The following ADAMTS5 variants were observed in gnomAD, a reference collection of about 807,000 sequenced individuals.
ADAMTS5 encodes the protein ADAM metallopeptidase with thrombospondin type 1 motif 5.
A neutral mutation model predicts 81.4 loss-of-function variants in ADAMTS5; 54 were observed. The observed-to-expected ratio is 0.66, with a 90% CI of 0.53 to 0.83. ADAMTS5 has a LOEUF of 0.83. Ranked by LOEUF, ADAMTS5 falls within the 40% of genes least tolerant of loss-of-function variation. The pLI is 0.00. For missense variants in ADAMTS5, 1,194 were observed against 1,229.9 expected, an observed-to-expected ratio of 0.97 and a Z score of 0.44; for synonymous variants, 532 against 508.8, an observed-to-expected ratio of 1.05 and a Z score of -0.61.
chr21:26,961,180 A>G (rs1987523284), intron 1 of ADAMTS5, among the ~76,000 whole-genome samples: 3 of 152,210 alleles, frequency 2.0e-5, no homozygotes, highest in African/African-American at 7.2e-5. Context: ...TGTTAGTCTA[A>G]GAAGTTTATC....
At chr21:26,954,362 T>C (rs1987378397) in intron 2 of ADAMTS5, among the ~76,000 whole-genome samples, 1 of 152,130 alleles carries the variant, frequency 6.6e-6, no homozygotes. Context: ...TGCAAACTGA[T>C]TAGCCCTGGA....
intron 1 of ADAMTS5, among the ~76,000 whole-genome samples, chr21:26,959,674 C>T (rs146945128): frequency 6.6e-6 from 1 of 152,240 alleles, no homozygotes; most frequent in East Asian, 1.9e-4. Context: ...ATGAAATACA[C>T]TGTGAAAGAT....
At position 26,919,321 on chromosome 21, in the gene ADAMTS5, A is replaced by C. The variant is rs1217901486; in HGVS notation, c.*4732T>G. On this transcript the variant is annotated 3_prime_UTR_variant, in exon 8 of 8. Transcript: ENST00000284987. The stretch of plus-strand genomic sequence containing the variant: ...GCAGTACCTTACAGGATGAGGGGCC[A>C]CTGCTCGTTTTTTCCATTTGACCTT... 2 of 151,432 alleles carry C rather than the reference A, an allele frequency of 1.3e-5. No homozygotes were observed. Among genetic ancestry groups the C allele is most frequent in the East Asian group, 3.9e-4 (2 of 5,152 alleles). The allele number at this position is 151,432 out of a possible 1,614,324, so 9.4% of individuals were successfully genotyped here.
rs117146654 is a variant in ADAMTS5, at chr21:26,960,434, T to C, written c.1104+4854A>G. 1.1e-4 allele frequency among the ~76,000 whole-genome samples: 17 copies of C among 152,344 alleles called. No homozygotes were observed. In the East Asian group the frequency reaches 3.3e-3, roughly 29 times the overall value. On this transcript the variant is annotated intron_variant, in intron 1 of 7. Coordinates refer to ENST00000284987, the MANE Select transcript of ADAMTS5 (RefSeq NM_007038.5). ...AACTCATCTATTTGGAGATAGGGCC[T>C]ACAAGGAGGTAAATGAGGTTAAATG... is the stretch of plus-strand genomic sequence containing the variant.
In ADAMTS5 at chr21:26,965,404, C is replaced by T; in HGVS notation, c.988G>A (p.Val330Met). The T allele has an allele frequency of 6.2e-7, 1 of 1,614,272 alleles. No homozygotes were observed. The highest frequency in any genetic ancestry group is 8.5e-7 in the Non-Finnish European group (1 of 1,180,042). ...VLGDKDKSLE[V>M]SKNAATTLKN... ...AGTGTGGTGGCAGCGTTCTTGCTCACTTCCAGGCTCTTGTCCTTGTCGCCT... is the reference window on the plus strand; with the variant it reads ...AGTGTGGTGGCAGCGTTCTTGCTCATTTCCAGGCTCTTGTCCTTGTCGCCT... Residue 330 changes from valine (V) to methionine (M), a missense_variant, in exon 1 of 8, where the codon GTG becomes ATG. This residue lies in a region of ADAMTS5 where 696 missense variants were observed against 817.6 expected (regional missense o/e 0.85). Transcript: ENST00000284987.
intron 2 of ADAMTS5, among the ~76,000 whole-genome samples, chr21:26,951,087 A>C (rs1987307906): frequency 6.6e-6 from 1 of 152,166 alleles, no homozygotes; most frequent in Non-Finnish European, 1.5e-5. Flanking sequence ...TAATGAACTA[A>C]AAAGAAAATT....
rs151058 is a variant in ADAMTS5, at chr21:26,939,253, T to G, written c.1405+4127A>C. ...GAAGCTGTTAGATGCATTAGGTATATTGTTGAGCAGATGTAATGGCAAGGA... is the reference window on the plus strand; with the variant it reads ...GAAGCTGTTAGATGCATTAGGTATAGTGTTGAGCAGATGTAATGGCAAGGA... On this transcript the variant is annotated intron_variant, in intron 3 of 7. Coordinates refer to ENST00000284987, the MANE Select transcript of ADAMTS5 (RefSeq NM_007038.5). 2.0e-5 allele frequency among the ~76,000 whole-genome samples: 3 copies of G among 152,264 alleles called. No homozygotes were observed. The East Asian group carries it at 5.8e-4, about 29-fold the overall frequency.
Position 26,924,036 on chromosome 21 carries a change from A to T in ADAMTS5, c.*17T>A. The T allele has an allele frequency of 6.4e-7, 1 of 1,571,532 alleles. No homozygotes were observed. On this transcript the variant is annotated 3_prime_UTR_variant, in exon 8 of 8. Transcript: ENST00000284987. ...GAATCCTCCAGTTATCTTTGTGCATAAGATCATAACCACAGGCTAACATTT... is the reference window on the plus strand; with the variant it reads ...GAATCCTCCAGTTATCTTTGTGCATTAGATCATAACCACAGGCTAACATTT...
chr21:26,934,320 T>G (rs1601003541), intron 4 of ADAMTS5, 146 bp downstream of exon 4: 2 of 1,069,358 alleles, frequency 1.9e-6, no homozygotes. Context: ...CTACTGCGGG[T>G]AAAAGAAGAA....
chr21:26,940,543 G>A (rs1987094413), intron 3 of ADAMTS5, among the ~76,000 whole-genome samples: 1 of 152,000 alleles, frequency 6.6e-6, no homozygotes, highest in South Asian at 2.1e-4. Flanking sequence ...CTTGTTCTCA[G>A]ATTACCTGTC....
chr21:26,966,341 C>G lies in ADAMTS5; in HGVS notation c.51G>C (p.Leu17=). 5 of 1,504,106 alleles carry G rather than the reference C, an allele frequency of 3.3e-6. No individual in the cohort carries two copies. Among genetic ancestry groups the G allele is most frequent in the Non-Finnish European group, 4.4e-6 (5 of 1,135,048 alleles). The allele number at this position is 1,504,106 out of a possible 1,614,324, so 93.2% of individuals were successfully genotyped here. ...SLLLCAFRLP[L]AAVGPAATPA... The stretch of plus-strand genomic sequence containing the variant: ...GTGTCGCGGCGGGGCCGACCGCGGC[C>G]AGGGGCAGGCGGAACGCGCACAGCA... The change falls in exon 1 of 8, where the codon CTG becomes CTC. Residue 17 remains leucine (L), a synonymous_variant. Transcript: ENST00000284987.
In ADAMTS5 at chr21:26,965,708, C is replaced by T. The variant is rs771034526; in HGVS notation, c.684G>A (p.Pro228=). The T allele has an allele frequency of 8.2e-6, 13 of 1,584,208 alleles. No homozygotes were observed. The highest frequency in any genetic ancestry group is 3.6e-5 in the Admixed American group (2 of 56,296). ...AHEHAPAHSN[P]SGRAALASQL... The stretch of plus-strand genomic sequence containing the variant: ...GCGAGGCCAGTGCTGCGCGTCCGCT[C>T]GGGTTGCTGTGCGCCGGAGCATGCT... Residue 228 remains proline, a synonymous_variant, in exon 1 of 8, where the codon CCG becomes CCA. Transcript: ENST00000284987.
Position 26,930,022 on chromosome 21 carries a change from C to G in ADAMTS5, c.2089G>C (p.Val697Leu), listed in dbSNP as rs377246186. Residue 697 changes from valine to leucine, a missense_variant, in exon 7 of 8, where the codon GTC becomes CTC. Val to Leu is a conservative substitution (Grantham distance 32, BLOSUM62 1). This residue lies in a region of ADAMTS5 where 696 missense variants were observed against 817.6 expected (regional missense o/e 0.85). Transcript: ENST00000284987. ...GTECRLYSNS[V>L]CVRGKCVRTG... is the part of the protein sequence containing the mutation. ...CTCACACACTTCCCCCGGACGCAGA[C>G]GGAATTACTGTACAGCCTACATTCA... The G allele has an allele frequency of 2.5e-5, 40 of 1,613,822 alleles. No individual in the cohort carries two copies. Among genetic ancestry groups the G allele is most frequent in the Non-Finnish European group, 3.2e-5 (38 of 1,179,898 alleles).
chr21:26,953,223 A>G (rs1033304686), intron 2 of ADAMTS5, among the ~76,000 whole-genome samples: 4 of 152,234 alleles, frequency 2.6e-5, no homozygotes, highest in Non-Finnish European at 4.4e-5. Flanking sequence ...CACTTGTCTG[A>G]GATAAAACAG....
At chr21:26,928,794 C>T (rs1436858008) in intron 7 of ADAMTS5, among the ~76,000 whole-genome samples, 1 of 149,776 alleles carries the variant, frequency 6.7e-6, no homozygotes, top group Non-Finnish European at 1.5e-5. Context: ...ATGGTGTCTG[C>T]TCTTCTCTGG....
At chr21:26,947,797 T>C (rs925574029) in intron 2 of ADAMTS5, among the ~76,000 whole-genome samples, 7 of 152,214 alleles carry the variant, frequency 4.6e-5, no homozygotes, top group African/African-American at 1.4e-4. Flanking sequence ...TGTTAGATGA[T>C]GTTGACCTAT....
rs779743739 is a variant in ADAMTS5, at chr21:26,929,967, T to G, written c.2144A>C (p.Lys715Thr). 7 of 1,614,026 alleles carry G rather than the reference T, an allele frequency of 4.3e-6. No homozygotes were observed. The highest frequency in any genetic ancestry group is 5.1e-6 in the Non-Finnish European group (6 of 1,180,000). ...TACTCCGCACTTGTCATACTGCAGC[T>G]TTGAGCCAATGATGCCGTCACAGCC... ...RTGCDGIIGS[K>T]LQYDKCGVCG... The change falls in exon 7 of 8, where the codon AAG (lysine) becomes ACG (threonine). Residue 715 changes from lysine (K) to threonine (T), a missense_variant. Transcript: ENST00000284987.
chr21:26,946,254 A>C (rs1471575746), intron 2 of ADAMTS5, among the ~76,000 whole-genome samples: 1 of 152,174 alleles, frequency 6.6e-6, no homozygotes. Context: ...CAGCAAAAGG[A>C]GTGGTATTTT....
chr21:26,928,457 A>C (rs2123168173), intron 7 of ADAMTS5, among the ~76,000 whole-genome samples: 1 of 152,326 alleles, frequency 6.6e-6, no homozygotes, highest in South Asian at 2.1e-4. Context: ...GTCAGCACAA[A>C]AATACTTAAA....
Sources: allele counts gnomAD v4.1 joint callset (sites outside exome capture counted in the v4.1 genomes callset), GRCh38; gene constraint gnomAD v4.1.1; regional missense constraint gnomAD v4.1.1; transcripts MANE v1.5; gene names NCBI Gene and HGNC (gene_info 2026-07-23, HGNC 2026-07-21).